FUS: variants seen among roughly 807,000 people sequenced by gnomAD.
FUS encodes RNA-binding protein FUS.
In FUS, 5 loss-of-function variants were observed where a neutral mutation model predicts 82.7. The observed-to-expected ratio is 0.06, with a 90% CI of 0.03 to 0.13. The LOEUF is 0.13. Among genes scored for constraint, FUS ranks in the 10% least tolerant of loss-of-function variants. The probability of loss-of-function intolerance (pLI) is 1.00; values close to 1 mark genes in which losing one functional copy is unlikely to be tolerated. For synonymous variants in FUS, 281 were observed against 247.4 expected (o/e 1.14, Z -1.27); for missense variants, 512 against 707.8 (o/e 0.72, Z 3.14).
downstream of FUS, chr16:31,193,802 A>G (rs1306134417): frequency 1.9e-6 from 1 of 513,076 alleles, no homozygotes; most frequent in Non-Finnish European, 3.7e-6. Context: ...ACACCTGGGT[A>G]ATTTTTTTTT....
At position 31,185,181 on chromosome 16, in the gene FUS, T is replaced by C. The variant is rs1451193778; in HGVS notation, c.764+2T>C. The stretch of plus-strand genomic sequence containing the variant: ...CCGTGGAGGCAGAGGTGGCATGGGG[T>C]AGGTGTCTCATGAGCCAGGGAGTAT... On this transcript the variant is annotated splice_donor_variant, in intron 6 of 14. Transcript: ENST00000254108. LOFTEE classifies it high-confidence loss of function. 1 of 1,605,768 alleles carries C rather than the reference T, an allele frequency of 6.2e-7. No individual in the cohort carries two copies. Among genetic ancestry groups the C allele is most frequent in the Admixed American group, 1.7e-5 (1 of 58,932 alleles).
chr16:31,182,768 G>A (rs1276561472), intron 3 of FUS, 104 bp downstream of exon 3: 2 of 1,393,692 alleles, frequency 1.4e-6, no homozygotes, highest in East Asian at 2.3e-5. Context: ...CCAGGCTGGA[G>A]TGCAGTGGTG....
rs2079238200 is a variant in FUS, at chr16:31,184,817, G to C, written c.524-122G>C. ...AAGAGGGTTCCTGTCTTGTTTCCTA[G>C]CTGTCTTTTTACTTTCTTTTGTCCT... On this transcript the variant is annotated intron_variant, in intron 5 of 14. Coordinates refer to ENST00000254108, the MANE Select transcript of FUS (RefSeq NM_004960.4). 10 of 962,386 alleles carry C rather than the reference G, an allele frequency of 1.0e-5. No individual in the cohort carries two copies. In the Admixed American group the frequency reaches 2.1e-4, roughly 20 times the overall value. 59.6% of individuals were successfully genotyped at this position (962,386 alleles called of 1,614,324 possible).
rs575177044 is a variant in FUS at position 31,191,370 on chromosome 16, ATACT to A, written c.1542-26_1542-23del. 708 of 1,599,976 alleles carry A rather than the reference ATACT, an allele frequency of 4.4e-4. 1 individual carries two copies. The highest frequency in any genetic ancestry group is 5.4e-4 in the Non-Finnish European group (636 of 1,168,328). On this transcript the variant is annotated intron_variant, in intron 14 of 14. Transcript: ENST00000254108. ...GAGGCTGGTAACTCAAATATAATGG[ATACT>A]TAATTTTTTTTTTTTTTTTTGCAGG...
rs897104477 is a variant in FUS, at chr16:31,190,951, C to G, written c.1394-12C>G. 9.3e-6 allele frequency: 15 copies of G among 1,610,372 alleles called. No homozygotes were observed. Among genetic ancestry groups the G allele is most frequent in the African/African-American group, 1.3e-5 (1 of 74,712 alleles). On this transcript the variant is annotated splice_polypyrimidine_tract_variant and intron_variant, in intron 13 of 14. Coordinates refer to ENST00000254108, the MANE Select transcript of FUS (RefSeq NM_004960.4). ...AATGGGAATATGATAGATCTTGTTTCTTTTGTCCTAGGGGGTAACTACGGG... is the reference window on the plus strand; with the variant it reads ...AATGGGAATATGATAGATCTTGTTTGTTTTGTCCTAGGGGGTAACTACGGG...
At chr16:31,187,007 C>T (rs2079280298) in intron 7 of FUS, 171 bp downstream of exon 7, 2 of 704,208 alleles carry the variant, frequency 2.8e-6, no homozygotes, top group East Asian at 2.7e-5. Flanking sequence ...GTGTGCTAAC[C>T]TGGAGCAGGT....
chr16:31,184,634 G>A (rs1248751008), intron 5 of FUS, among the ~76,000 whole-genome samples: 7 of 151,892 alleles, frequency 4.6e-5, no homozygotes, highest in East Asian at 1.9e-4. Flanking sequence ...TAGTAGAGAC[G>A]GGGTTTCACC....
chr16:31,183,552 A>T (rs376618550), intron 3 of FUS: 2 of 418,076 alleles, frequency 4.8e-6, no homozygotes, highest in East Asian at 1.1e-4. Flanking sequence ...TAGATACTGC[A>T]CGCACAGCTG....
In FUS at chr16:31,189,718, T is replaced by G; in HGVS notation, c.990T>G (p.Thr330=). Residue 330 remains threonine, a synonymous_variant, in exon 10 of 15, where the codon ACT becomes ACG. Coordinates refer to ENST00000254108, the MANE Select transcript of FUS (RefSeq NM_004960.4). ...PMINLYTDRE[T]GKLKGEATVS... Reference sequence around the variant, plus strand: ...TTAATTTGTACACAGACAGGGAAACTGGCAAGCTGAAGGGAGAGGCAACGG... The same window carrying G: ...TTAATTTGTACACAGACAGGGAAACGGGCAAGCTGAAGGGAGAGGCAACGG... 1 of 1,614,152 alleles carries G rather than the reference T, an allele frequency of 6.2e-7. No homozygotes were observed. Among genetic ancestry groups the G allele is most frequent in the Non-Finnish European group, 8.5e-7 (1 of 1,180,024 alleles).
In FUS at chr16:31,188,377, C is replaced by T. The variant is rs1277450384; in HGVS notation, c.832+20C>T. On this transcript the variant is annotated intron_variant, in intron 8 of 14. Coordinates refer to ENST00000254108, the MANE Select transcript of FUS (RefSeq NM_004960.4). ...ACTCCGGTGAGTTCACACGTGGTGG[C>T]ATGAAAAGAGTGGCTAAAGTGGTAT... 6.2e-7 allele frequency: 1 copy of T among 1,612,984 alleles called. No individual in the cohort carries two copies. Among genetic ancestry groups the T allele is most frequent in the Non-Finnish European group, 8.5e-7 (1 of 1,179,480 alleles).
chr16:31,194,474 T>A, downstream of FUS: 2 of 500,682 alleles, frequency 4.0e-6, no homozygotes, highest in South Asian at 1.5e-5. Context: ...TTTTTTGTAT[T>A]TTTTGTGGAG....
intron 5 of FUS, 82 bp downstream of exon 5, chr16:31,184,478 CTG>C (rs1219575427): frequency 6.0e-6 from 8 of 1,322,546 alleles, no homozygotes; most frequent in East Asian, 2.5e-5. Flanking sequence ...TGCTCTGTCT[CTG>C]TTGCTGAGGC....
rs2079241765 is a variant in FUS, at chr16:31,184,935, A to G, written c.524-4A>G. 6.2e-7 allele frequency: 1 copy of G among 1,609,598 alleles called. No individual in the cohort carries two copies. Among genetic ancestry groups the G allele is most frequent in the Non-Finnish European group, 8.5e-7 (1 of 1,178,828 alleles). On this transcript the variant is annotated splice_region_variant and splice_polypyrimidine_tract_variant and intron_variant, in intron 5 of 14. Coordinates refer to ENST00000254108, the MANE Select transcript of FUS (RefSeq NM_004960.4). ...TTTTTTAATCATTCTTTCTTTTCTC[A>G]CAGGTAACTATGGCCAAGATCAATC...
chr16:31,181,309 C>A (rs930659482), intron 1 of FUS, among the ~76,000 whole-genome samples: 2 of 152,230 alleles, frequency 1.3e-5, no homozygotes, highest in African/African-American at 4.8e-5. Context: ...GCGGGGGAAG[C>A]GCCGCGTTTC....
At chr16:31,193,189 A>G (rs140395401), downstream of FUS, 264 of 491,160 alleles carry the variant, frequency 5.4e-4, 4 homozygotes, top group African/African-American at 4.4e-3. Context: ...TGATGTGCAC[A>G]CCTCAGCCTC....
chr16:31,191,207 G>A lies in FUS; in HGVS notation c.1541+97G>A, dbSNP rs996061023. Reference sequence around the variant, plus strand: ...GAAAGTGGTTTCATTTTGAGGGCTAGGTGGAAAGACCTGAGGTTGTAACCA... The same window carrying A: ...GAAAGTGGTTTCATTTTGAGGGCTAAGTGGAAAGACCTGAGGTTGTAACCA... On this transcript the variant is annotated intron_variant, in intron 14 of 14. Transcript: ENST00000254108. 7.8e-6 allele frequency: 12 copies of A among 1,539,540 alleles called. No homozygotes were observed. In the African/African-American group the frequency reaches 1.1e-4, roughly 14 times the overall value.
intron 8 of FUS, 96 bp downstream of exon 8, chr16:31,188,453 AAATGGGGATAGAGAAGG>A (rs1365063956): frequency 8.3e-6 from 11 of 1,323,094 alleles, no homozygotes; most frequent in Non-Finnish European, 1.2e-5. Flanking sequence ...AAACTGAAAA[AAATGGGGATAGAGAAGG>A]AAGGGAGTTA....
At chr16:31,194,317 G>T (rs2079396783), downstream of FUS, 1 of 520,440 alleles carries the variant, frequency 1.9e-6, no homozygotes, top group Non-Finnish European at 3.7e-6. Context: ...TTTTGAGACG[G>T]TCTCACTCTC....
rs367552345 is a variant in FUS, at chr16:31,180,173, T to A, written c.-42T>A. 6.2e-7 allele frequency: 1 copy of A among 1,606,328 alleles called. No individual in the cohort carries two copies. The highest frequency in any genetic ancestry group is 8.5e-7 in the Non-Finnish European group (1 of 1,176,406). ...TCCAGGCGTCGGTACTCAGCGGTGT[T>A]GGAACTTCGTTGCTTGCTTGCCTGT... On this transcript the variant is annotated 5_prime_UTR_variant, in exon 1 of 15. Coordinates refer to ENST00000254108, the MANE Select transcript of FUS (RefSeq NM_004960.4).
Sources: gnomAD v4.1 joint callset for allele counts (sites outside exome capture counted in the v4.1 genomes callset) on GRCh38, gnomAD v4.1.1 for gene constraint, MANE v1.5 for transcripts, NCBI Gene and HGNC (gene_info 2026-07-23, HGNC 2026-07-21) for gene names.